EXT1: variants seen among roughly 807,000 people sequenced by gnomAD.
EXT1 encodes exostosin glycosyltransferase 1.
In EXT1, 20 loss-of-function variants were observed where a neutral mutation model predicts 82.5. The ratio of observed to expected loss-of-function variants is 0.24; its 90% CI spans 0.17 to 0.35. The LOEUF is 0.35. Ranked by LOEUF, EXT1 falls within the 10% of genes least tolerant of loss-of-function variation. The pLI, the probability that EXT1 is intolerant of heterozygous loss-of-function variation, is 1.00. For synonymous variants in EXT1, 348 were observed against 350.8 expected (o/e 0.99, Z 0.09); for missense variants, 757 against 936.5 (o/e 0.81, Z 2.50).
Position 117,809,594 on chromosome 8 carries a change from G to A in EXT1, c.1723-2217C>T, listed in dbSNP as rs180695964. Among the ~76,000 whole-genome samples the A allele has an allele frequency of 2.6e-5, 4 of 151,006 alleles. No individual in the cohort carries two copies. The East Asian group carries it at 5.9e-4, about 22-fold the overall frequency. On this transcript the variant is annotated intron_variant, in intron 8 of 10. Coordinates refer to ENST00000378204, the MANE Select transcript of EXT1 (RefSeq NM_000127.3). Reference sequence around the variant, plus strand: ...GGAGGTTGCGGTGAGCCGAGATGGTGCCACTGCCCCCTATCGTGGGCGGCA... The same window carrying A: ...GGAGGTTGCGGTGAGCCGAGATGGTACCACTGCCCCCTATCGTGGGCGGCA...
chr8:117,907,969 T>G (rs1215898763), intron 1 of EXT1, among the ~76,000 whole-genome samples: 1 of 152,214 alleles, frequency 6.6e-6, no homozygotes, highest in Non-Finnish European at 1.5e-5. Flanking sequence ...AATACCTACC[T>G]CTTCATCACT....
chr8:117,952,659 G>A (rs989757434), intron 1 of EXT1, among the ~76,000 whole-genome samples: 8 of 152,230 alleles, frequency 5.3e-5, no homozygotes, highest in African/African-American at 1.9e-4. Flanking sequence ...TCACTTGGGA[G>A]GCTGAGGCAC....
rs561004917 is a variant in EXT1 at position 117,891,955 on chromosome 8, G to T, written c.963-54754C>A. The stretch of plus-strand genomic sequence containing the variant: ...CTGAGTAGCTGGGATTACAGGCACA[G>T]GCTACCACACCCGGCTAATTTTTGT... On this transcript the variant is annotated intron_variant, in intron 1 of 10. Transcript: ENST00000378204. 7.9e-5 allele frequency among the ~76,000 whole-genome samples: 12 copies of T among 151,964 alleles called. No homozygotes were observed. The East Asian group carries it at 2.1e-3, about 27-fold the overall frequency.
Position 118,111,433 on chromosome 8 carries a change from C to A in EXT1, c.-387G>T. 1 of 542,664 alleles carries A rather than the reference C, an allele frequency of 1.8e-6. No homozygotes were observed. Among genetic ancestry groups the A allele is most frequent in the Non-Finnish European group, 3.2e-6 (1 of 309,898 alleles). 33.6% of individuals were successfully genotyped at this position (542,664 alleles called of 1,614,324 possible). On this transcript the variant is annotated 5_prime_UTR_variant, in exon 1 of 11. Coordinates refer to ENST00000378204, the MANE Select transcript of EXT1 (RefSeq NM_000127.3). ...GCAAGACGAAGTGATTGCCTTGCCT[C>A]TCGGATTCCTCTCGGCAGCGTGGAA...
chr8:117,800,956 G>C (rs918954233), intron 10 of EXT1, among the ~76,000 whole-genome samples: 4 of 152,160 alleles, frequency 2.6e-5, no homozygotes, highest in African/African-American at 9.7e-5. Context: ...CCCAATTATG[G>C]GGGAACCCCC....
At chr8:117,839,420 A>G (rs935231480) in intron 1 of EXT1, among the ~76,000 whole-genome samples, 3 of 152,222 alleles carry the variant, frequency 2.0e-5, no homozygotes, top group Non-Finnish European at 4.4e-5. Context: ...ATGTATGTGT[A>G]TATGTGCACA....
intron 1 of EXT1, among the ~76,000 whole-genome samples, chr8:118,021,631 T>C (rs1776480900): frequency 6.6e-6 from 1 of 152,222 alleles, no homozygotes; most frequent in Admixed American, 6.5e-5. Flanking sequence ...ACATATTCTG[T>C]ACAACAGAAT....
intron 1 of EXT1, among the ~76,000 whole-genome samples, chr8:117,964,401 G>A (rs1394434624): frequency 1.3e-5 from 2 of 152,170 alleles, no homozygotes; most frequent in Non-Finnish European, 2.9e-5. Flanking sequence ...ATTTGTTGGT[G>A]GTAGCAGTGA....
At chr8:117,858,806 A>AGGC (rs1812622752) in intron 1 of EXT1, among the ~76,000 whole-genome samples, 5 of 62,674 alleles carry the variant, frequency 8.0e-5, no homozygotes, top group Non-Finnish European at 1.2e-4. Flanking sequence ...AAGGCAAGGC[A>AGGC]AGGCAGGAAG....
chr8:118,086,490 A>G lies in EXT1; in HGVS notation c.962+23595T>C, dbSNP rs537313729. Among the ~76,000 whole-genome samples the G allele has an allele frequency of 8.5e-5, 13 of 152,366 alleles. No homozygotes were observed. The East Asian group carries it at 1.9e-3, about 23-fold the overall frequency. ...ACTTCCTCTTTCAACAGAGCTTTTA[A>G]TTGGGCACTTTAAGTTGCCAAGTAC... On this transcript the variant is annotated intron_variant, in intron 1 of 10. Coordinates refer to ENST00000378204, the MANE Select transcript of EXT1 (RefSeq NM_000127.3).
At chr8:118,096,774 A>C (rs1471115611) in intron 1 of EXT1, among the ~76,000 whole-genome samples, 1 of 152,194 alleles carries the variant, frequency 6.6e-6, no homozygotes, top group African/African-American at 2.4e-5. Context: ...GAAACTTCCC[A>C]TTTGAACATG....
At chr8:117,895,541 GGAAGTCATTAA>G (rs1813319518) in intron 1 of EXT1, among the ~76,000 whole-genome samples, 1 of 152,122 alleles carries the variant, frequency 6.6e-6, no homozygotes, top group Non-Finnish European at 1.5e-5. Context: ...AAGACTGAAG[GGAAGTCATTAA>G]GACCCATCCA....
At chr8:118,099,863 G>A (rs1817686719) in intron 1 of EXT1, among the ~76,000 whole-genome samples, 1 of 152,178 alleles carries the variant, frequency 6.6e-6, no homozygotes, top group Non-Finnish European at 1.5e-5. Flanking sequence ...TCAAATATGT[G>A]CATGCCAACA....
intron 1 of EXT1, among the ~76,000 whole-genome samples, chr8:118,034,217 G>A (rs965430904): frequency 1.3e-5 from 2 of 152,174 alleles, no homozygotes; most frequent in African/African-American, 2.4e-5. Context: ...GTTGCTGGAA[G>A]TGACCTACTT....
At chr8:117,829,242 C>G (rs1380139650) in intron 4 of EXT1, among the ~76,000 whole-genome samples, 1 of 152,122 alleles carries the variant, frequency 6.6e-6, no homozygotes, top group Non-Finnish European at 1.5e-5. Flanking sequence ...CCAATGCTAT[C>G]TGCTCTATTT....
chr8:117,796,788 A>G lies in EXT1; in HGVS notation c.*2924T>C, dbSNP rs1823095669. The G allele has an allele frequency of 6.6e-6, 1 of 152,162 alleles. No individual in the cohort carries two copies. The highest frequency in any genetic ancestry group is 2.1e-4 in the South Asian group (1 of 4,826). 9.4% of individuals were successfully genotyped at this position (152,162 alleles called of 1,614,324 possible). A position where few individuals can be genotyped will look rare whatever the true frequency, so the allele number is the denominator to read the frequency against. ...TTCTCTACAGTCTCAATTTTGAGCC[A>G]TTTTGCTAGCTTCAACAAAGGTGAT... On this transcript the variant is annotated 3_prime_UTR_variant, in exon 11 of 11. Transcript: ENST00000378204.
At chr8:117,891,677 G>A (rs1427460069) in intron 1 of EXT1, among the ~76,000 whole-genome samples, 2 of 152,038 alleles carry the variant, frequency 1.3e-5, no homozygotes, top group South Asian at 2.1e-4. Flanking sequence ...TTGTCATTGC[G>A]TTTATTGAAC....
At position 117,870,983 on chromosome 8, in the gene EXT1, A is replaced by T. The variant is rs191173493; in HGVS notation, c.963-33782T>A. On this transcript the variant is annotated intron_variant, in intron 1 of 10. Coordinates refer to ENST00000378204, the MANE Select transcript of EXT1 (RefSeq NM_000127.3). ...AAGGGTAAAGCAATAGAGAGAAAAA[A>T]GGTTAAAAGAGCAAATCTCTAGCCG... 2.5e-3 allele frequency among the ~76,000 whole-genome samples: 380 copies of T among 152,290 alleles called. 2 individuals are homozygous for T. The highest frequency in any genetic ancestry group is 5.0e-3 in the Admixed American group (77 of 15,290).
intron 1 of EXT1, among the ~76,000 whole-genome samples, chr8:118,101,399 G>T (rs559879067): frequency 2.0e-5 from 3 of 151,692 alleles, no homozygotes; most frequent in South Asian, 4.2e-4. Flanking sequence ...TTAGAATAGT[G>T]CCTCCTTTAC....
Sources: allele counts gnomAD v4.1 joint callset (sites outside exome capture counted in the v4.1 genomes callset), GRCh38; gene constraint gnomAD v4.1.1; transcripts MANE v1.5; gene names NCBI Gene and HGNC (gene_info 2026-07-23, HGNC 2026-07-21).